Variants in ACAD11 observed in about 807,000 individuals in gnomAD.
The protein encoded by ACAD11 is acyl-Coenzyme A dehydrogenase family, member 11.
In ACAD11, 83 loss-of-function variants were observed where a neutral mutation model predicts 102.2. That is an observed-to-expected ratio of 0.81 (90% CI 0.68 to 0.97). ACAD11 has a LOEUF of 0.97. Ranked by LOEUF, ACAD11 falls within the 50% of genes least tolerant of loss-of-function variation. The pLI is 0.00. For missense variants in ACAD11, 901 were observed against 951.7 expected, an observed-to-expected ratio of 0.95 and a Z score of 0.70; for synonymous variants, 324 against 319.8, an observed-to-expected ratio of 1.01 and a Z score of -0.14.
intron 5 of ACAD11, 116 bp from the exon 6 acceptor site, chr3:132,631,595 G>T: frequency 1.2e-6 from 1 of 807,964 alleles, no homozygotes; most frequent in Non-Finnish European, 1.7e-6. Flanking sequence ...GTCAATTTCA[G>T]GTCTTTACCC....
rs140162545 is a variant in ACAD11, at chr3:132,584,249, C to T, written c.1622-4691G>A. On this transcript the variant is annotated intron_variant, in intron 13 of 19. Coordinates refer to ENST00000264990, the MANE Select transcript of ACAD11 (RefSeq NM_032169.5). ...TTTATAAATCTGGGTGCTCCTATAT[C>T]GGGTGCATATATATTTAGGATAGTT... 1.3e-3 allele frequency among the ~76,000 whole-genome samples: 192 copies of T among 152,148 alleles called. 2 individuals are homozygous for T. The East Asian group carries it at 0.033, about 26-fold the overall frequency.
At chr3:132,641,834 C>A in intron 4 of ACAD11, 138 bp downstream of exon 4, 1 of 691,998 alleles carries the variant, frequency 1.4e-6, no homozygotes, top group East Asian at 2.9e-5. Context: ...ATACTAAAAA[C>A]TAGTCATTCT....
intron 7 of ACAD11, 66 bp downstream of exon 7, chr3:132,630,371 T>C (rs1939987135): frequency 3.4e-6 from 5 of 1,466,036 alleles, no homozygotes; most frequent in South Asian, 1.6e-5. Context: ...CCCGGAAGAC[T>C]GGAAAACATT....
At chr3:132,634,276 A>C (rs1940180155) in intron 5 of ACAD11, among the ~76,000 whole-genome samples, 1 of 152,252 alleles carries the variant, frequency 6.6e-6, no homozygotes, top group Non-Finnish European at 1.5e-5. Flanking sequence ...AAAAGAAGAC[A>C]TTTATGCAGC....
At chr3:132,584,920 C>A (rs1937735342) in intron 13 of ACAD11, among the ~76,000 whole-genome samples, 1 of 152,148 alleles carries the variant, frequency 6.6e-6, no homozygotes, top group Admixed American at 6.5e-5. Context: ...CCATACTGCC[C>A]AAGGTAATTT....
chr3:132,571,221 CT>C (rs199572940), intron 17 of ACAD11, among the ~76,000 whole-genome samples: 2 of 150,700 alleles, frequency 1.3e-5, no homozygotes, highest in Admixed American at 6.6e-5. Flanking sequence ...CTCACTGTGG[CT>C]TTTTTTTTAT....
intron 18 of ACAD11, among the ~76,000 whole-genome samples, chr3:132,560,599 G>A (rs1418155388): frequency 6.6e-6 from 1 of 151,874 alleles, no homozygotes; most frequent in African/African-American, 2.4e-5. Flanking sequence ...AAGAGACAGG[G>A]TCTCACTATG....
intron 2 of ACAD11, 128 bp downstream of exon 2, chr3:132,644,669 T>C: frequency 2.4e-6 from 1 of 422,122 alleles, no homozygotes; most frequent in Non-Finnish European, 4.1e-6. Context: ...GAAATTTTCA[T>C]TAGAAATAAA....
At chr3:132,598,826 G>C (rs538826757) in intron 13 of ACAD11, among the ~76,000 whole-genome samples, 1 of 152,236 alleles carries the variant, frequency 6.6e-6, no homozygotes, top group Non-Finnish European at 1.5e-5. Context: ...ACCACATTAT[G>C]AAGGGAGCCT....
Position 132,642,594 on chromosome 3 carries a change from T to C in ACAD11, c.375+83A>G, listed in dbSNP as rs1940565938. The C allele has an allele frequency of 2.2e-6, 3 of 1,363,682 alleles. No homozygotes were observed. The East Asian group carries it at 7.4e-5, about 34-fold the overall frequency. The allele number at this position is 1,363,682 out of a possible 1,614,324, so 84.5% of individuals were successfully genotyped here. Reference sequence around the variant, plus strand: ...AATGTTAAATAACAAACTATATCATTTATTAAGTATCATAATAAAACATCT... The same window carrying C: ...AATGTTAAATAACAAACTATATCATCTATTAAGTATCATAATAAAACATCT... On this transcript the variant is annotated intron_variant, in intron 3 of 19. Transcript: ENST00000264990.
intron 11 of ACAD11, among the ~76,000 whole-genome samples, chr3:132,610,009 C>G (rs1939052778): frequency 6.6e-6 from 1 of 152,160 alleles, no homozygotes; most frequent in African/African-American, 2.4e-5. Flanking sequence ...ATCACATAAA[C>G]AGAACCAATG....
intron 4 of ACAD11, among the ~76,000 whole-genome samples, chr3:132,639,988 ACACT>A (rs1046339044): frequency 4.6e-5 from 7 of 150,718 alleles, no homozygotes; most frequent in South Asian, 2.1e-4. Flanking sequence ...ACGCACACAC[ACACT>A]CTCTCTCACA....
intron 11 of ACAD11, among the ~76,000 whole-genome samples, chr3:132,606,543 T>C (rs1344913405): frequency 1.3e-5 from 2 of 151,812 alleles, no homozygotes; most frequent in Admixed American, 6.6e-5. Flanking sequence ...ACAAGAAAAA[T>C]GATTTCCCAT....
chr3:132,566,803 A>C (rs775522578), intron 17 of ACAD11, among the ~76,000 whole-genome samples: 27 of 152,214 alleles, frequency 1.8e-4, no homozygotes, highest in Non-Finnish European at 3.2e-4. Context: ...AAAAAGATAA[A>C]AGAAGAAACC....
At chr3:132,619,577 G>C (rs954498677) in intron 9 of ACAD11, 32 bp from the exon 10 acceptor site, 3 of 1,266,334 alleles carry the variant, frequency 2.4e-6, no homozygotes, top group Admixed American at 4.7e-5. Flanking sequence ...AATTTCACTA[G>C]CTAAAGTTAA....
chr3:132,570,776 C>T (rs1268294998), intron 17 of ACAD11, among the ~76,000 whole-genome samples: 1 of 152,120 alleles, frequency 6.6e-6, no homozygotes, highest in East Asian at 1.9e-4. Flanking sequence ...GTTTTCTGTT[C>T]CTGCGTTAGT....
chr3:132,559,178 T>C (rs1360629508), intron 19 of ACAD11, 93 bp from the exon 20 acceptor site: 1 of 865,878 alleles, frequency 1.2e-6, no homozygotes, highest in Non-Finnish European at 1.9e-6. Context: ...ACCAAGACTA[T>C]ATTAATTCTT....
intron 11 of ACAD11, among the ~76,000 whole-genome samples, chr3:132,614,990 G>A (rs1411996085): frequency 1.3e-5 from 2 of 151,842 alleles, no homozygotes; most frequent in East Asian, 3.9e-4. Context: ...AAAAAACAAA[G>A]AACCCCATCA....
intron 10 of ACAD11, 68 bp downstream of exon 10, chr3:132,619,400 C>A: frequency 1.9e-6 from 2 of 1,065,066 alleles, no homozygotes; most frequent in Non-Finnish European, 2.7e-6. Flanking sequence ...ATAGCAACAA[C>A]AAAACTAAGG....
Sources: allele counts gnomAD v4.1 joint callset (sites outside exome capture counted in the v4.1 genomes callset), GRCh38; gene constraint gnomAD v4.1.1; transcripts MANE v1.5; gene names NCBI Gene and HGNC (gene_info 2026-07-23, HGNC 2026-07-21).